MACROD2: variants seen among roughly 807,000 people sequenced by gnomAD.
The protein encoded by MACROD2 is ADP-ribose glycohydrolase MACROD2.
A neutral mutation model predicts 70.4 loss-of-function variants in MACROD2; 36 were observed. That is an observed-to-expected ratio of 0.51 (90% CI 0.39 to 0.68). The LOEUF (loss-of-function observed/expected upper bound fraction) is 0.68, where lower values mean the gene tolerates loss of function less well. Among genes scored for constraint, MACROD2 ranks in the 30% least tolerant of loss-of-function variants. MACROD2 has a pLI of 0.00. For synonymous variants in MACROD2, 172 were observed against 178.8 expected, an observed-to-expected ratio of 0.96 and a Z score of 0.30; for missense variants, 496 against 538.4, an observed-to-expected ratio of 0.92 and a Z score of 0.78.
chr20:14,404,930 A>C (rs533445378), intron 3 of MACROD2, among the ~76,000 whole-genome samples: 1 of 152,286 alleles, frequency 6.6e-6, no homozygotes, highest in African/African-American at 2.4e-5. Flanking sequence ...GGCATATTTA[A>C]AACGTACAGA....
intron 8 of MACROD2, among the ~76,000 whole-genome samples, chr20:15,594,708 A>G (rs951291149): frequency 1.3e-5 from 2 of 152,210 alleles, no homozygotes; most frequent in African/African-American, 2.4e-5. Flanking sequence ...AAATTAATAA[A>G]TGTTTAACAT....
chr20:15,545,535 C>T (rs564233705), intron 8 of MACROD2, among the ~76,000 whole-genome samples: 2 of 152,298 alleles, frequency 1.3e-5, no homozygotes, highest in African/African-American at 4.8e-5. Flanking sequence ...AAACGGGCCT[C>T]TTCAGAATCA....
chr20:14,497,407 T>G (rs992282408), intron 4 of MACROD2, among the ~76,000 whole-genome samples: 1 of 151,822 alleles, frequency 6.6e-6, no homozygotes, highest in Non-Finnish European at 1.5e-5. Flanking sequence ...TATAAATCAT[T>G]GTAGCCAGTC....
rs1000179719 is a variant in MACROD2, at chr20:14,932,269, C to T, written c.418+247310C>T. On this transcript the variant is annotated intron_variant, in intron 5 of 17. Transcript: ENST00000684519. ...AGTTTCTAATTTAGAGTCATTGTTC[C>T]AGTGAATGGAAATGAGCTGAAGGAA... Among the ~76,000 whole-genome samples the T allele has an allele frequency of 2.0e-5, 3 of 152,126 alleles. No individual in the cohort carries two copies. In the East Asian group the frequency reaches 5.8e-4, roughly 29 times the overall value.
At chr20:14,069,920 T>C (rs1377922621) in intron 2 of MACROD2, among the ~76,000 whole-genome samples, 1 of 151,856 alleles carries the variant, frequency 6.6e-6, no homozygotes, top group Non-Finnish European at 1.5e-5. Flanking sequence ...CTGGCTAGTA[T>C]ATTGGAGAAT....
chr20:14,860,946 A>G (rs2073309134), intron 5 of MACROD2, among the ~76,000 whole-genome samples: 1 of 148,250 alleles, frequency 6.7e-6, no homozygotes, highest in Non-Finnish European at 1.5e-5. Flanking sequence ...CTACATCCCC[A>G]TTCTGGAGAC....
In MACROD2 at chr20:14,875,198, T is replaced by C. The variant is rs537791049; in HGVS notation, c.418+190239T>C. ...GAGTTCGAGACCAGCCTAGCCAACA[T>C]AGTGAAACCCCATCTCTACTAAAAA... On this transcript the variant is annotated intron_variant, in intron 5 of 17. Transcript: ENST00000684519. Among the ~76,000 whole-genome samples the C allele has an allele frequency of 8.6e-5, 13 of 151,894 alleles. No homozygotes were observed. The South Asian group carries it at 1.9e-3, about 22-fold the overall frequency.
At chr20:15,312,546 T>C (rs1200321729) in intron 6 of MACROD2, among the ~76,000 whole-genome samples, 1 of 152,222 alleles carries the variant, frequency 6.6e-6, no homozygotes, top group African/African-American at 2.4e-5. Flanking sequence ...GGAAGTGTCC[T>C]ATAATAGAAT....
At chr20:15,149,564 G>C (rs2076254175) in intron 5 of MACROD2, among the ~76,000 whole-genome samples, 1 of 151,980 alleles carries the variant, frequency 6.6e-6, no homozygotes, top group African/African-American at 2.4e-5. Flanking sequence ...AGCTGAAGGA[G>C]CCAGGGAGCA....
intron 7 of MACROD2, among the ~76,000 whole-genome samples, chr20:15,476,606 T>G (rs1203502876): frequency 2.6e-5 from 4 of 151,442 alleles, no homozygotes; most frequent in Middle Eastern, 3.2e-3. Flanking sequence ...GAGCACAGTG[T>G]AGTTTTTACA....
At chr20:15,833,052 GAA>G (rs545758290) in intron 8 of MACROD2, among the ~76,000 whole-genome samples, 2 of 152,120 alleles carry the variant, frequency 1.3e-5, no homozygotes, top group Admixed American at 6.5e-5. Context: ...AAATTATCTG[GAA>G]AAAAGTCTCC....
At chr20:15,540,828 C>T (rs749171369) in intron 8 of MACROD2, among the ~76,000 whole-genome samples, 1 of 152,176 alleles carries the variant, frequency 6.6e-6, no homozygotes, top group African/African-American at 2.4e-5. Flanking sequence ...GTTCTAGAAG[C>T]ATCAGCCCAA....
chr20:14,512,467 C>T (rs539303332), intron 4 of MACROD2, among the ~76,000 whole-genome samples: 127 of 152,068 alleles, frequency 8.4e-4, no homozygotes, highest in African/African-American at 2.4e-3. Flanking sequence ...GAAATAAATA[C>T]GGGTTAGAGA....
At chr20:15,210,108 C>T (rs1330179859) in intron 5 of MACROD2, among the ~76,000 whole-genome samples, 2 of 152,172 alleles carry the variant, frequency 1.3e-5, no homozygotes, top group African/African-American at 2.4e-5. Context: ...ATGAACTCCA[C>T]GTACATTTTC....
chr20:15,036,056 A>T (rs1004845926), intron 5 of MACROD2, among the ~76,000 whole-genome samples: 2 of 152,152 alleles, frequency 1.3e-5, no homozygotes, highest in African/African-American at 4.8e-5. Flanking sequence ...AAGCACAAAT[A>T]AATACTTCAA....
chr20:14,025,313 C>T (rs2053147272), intron 2 of MACROD2, among the ~76,000 whole-genome samples: 1 of 152,054 alleles, frequency 6.6e-6, no homozygotes, highest in South Asian at 2.1e-4. Context: ...TTCAAAACAC[C>T]AGCTCCTGGA....
rs556997013 is a variant in MACROD2, at chr20:14,341,683, A to T, written c.272-151796A>T. On this transcript the variant is annotated intron_variant, in intron 3 of 17. Transcript: ENST00000684519. ...AAATAGTTCATACTTTTGATAGATT[A>T]AATGTCTTGGACTGTTATTAGTTAA... 5.3e-5 allele frequency among the ~76,000 whole-genome samples: 8 copies of T among 152,324 alleles called. No individual in the cohort carries two copies. In the South Asian group the frequency reaches 1.4e-3, roughly 28 times the overall value.
At chr20:14,862,630 AATATATATATAAATATATATATATAAAT>A (rs1233782924) in intron 5 of MACROD2, among the ~76,000 whole-genome samples, 3 of 10,212 alleles carry the variant, frequency 2.9e-4, no homozygotes, top group South Asian at 2.7e-3. Flanking sequence ...TATATATATA[AATATATATATAAATATATATATATAAAT>A]ATATATATAA....
At chr20:14,748,203 C>T (rs1405278779) in intron 5 of MACROD2, among the ~76,000 whole-genome samples, 1 of 152,100 alleles carries the variant, frequency 6.6e-6, no homozygotes, top group Non-Finnish European at 1.5e-5. Flanking sequence ...CTCACGAAAA[C>T]CTTTCCTGAA....
Sources: gnomAD v4.1 joint callset for allele counts (sites outside exome capture counted in the v4.1 genomes callset) on GRCh38, gnomAD v4.1.1 for gene constraint, MANE v1.5 for transcripts, NCBI Gene and HGNC (gene_info 2026-07-23, HGNC 2026-07-21) for gene names.